The following GRIA4 variants were observed in gnomAD, a reference collection of about 807,000 sequenced individuals.
GRIA4 encodes glutamate ionotropic receptor AMPA type subunit 4.
In GRIA4, 34 loss-of-function variants were observed where a neutral mutation model predicts 104.0. The observed-to-expected ratio is 0.33, with a 90% CI of 0.25 to 0.44. The LOEUF (loss-of-function observed/expected upper bound fraction) is 0.44. Among genes scored for constraint, GRIA4 ranks in the 20% least tolerant of loss-of-function variants. The pLI, the probability that GRIA4 is intolerant of heterozygous loss-of-function variation, is 1.00. For synonymous variants in GRIA4, 386 were observed against 381.9 expected (o/e 1.01, Z -0.13); for missense variants, 750 against 1,096.5 (o/e 0.68, Z 4.46).
chr11:105,858,198 C>G (rs1197711402), intron 4 of GRIA4, among the ~76,000 whole-genome samples: 1 of 152,008 alleles, frequency 6.6e-6, no homozygotes, highest in Non-Finnish European at 1.5e-5. Context: ...CTCTGCTATT[C>G]TAAAAAATTA....
intron 3 of GRIA4, among the ~76,000 whole-genome samples, chr11:105,733,092 A>C (rs1389613238): frequency 6.6e-6 from 1 of 152,200 alleles, no homozygotes; most frequent in Admixed American, 6.6e-5. Context: ...TGCATATACA[A>C]ACTCTCTTTG....
At chr11:105,610,885 T>TG in intron 1 of GRIA4, 23 bp from the exon 2 acceptor site, 1 of 472,124 alleles carries the variant, frequency 2.1e-6, no homozygotes, top group Non-Finnish European at 3.7e-6. Flanking sequence ...TTTTTTTTTT[T>TG]TTTTGGTTGA....
At chr11:105,844,065 AGTGTAATCTTAACAGT>A (rs1944489282) in intron 4 of GRIA4, among the ~76,000 whole-genome samples, 1 of 152,176 alleles carries the variant, frequency 6.6e-6, no homozygotes, top group Non-Finnish European at 1.5e-5. Context: ...CTGATATCCT[AGTGTAATCTTAACAGT>A]GCCCAATGCC....
intron 4 of GRIA4, among the ~76,000 whole-genome samples, chr11:105,811,717 T>C (rs1390010165): frequency 6.6e-6 from 1 of 152,180 alleles, no homozygotes; most frequent in East Asian, 1.9e-4. Context: ...TAAAAAATAT[T>C]TGATATGTAT....
chr11:105,671,690 A>AAAAG (rs1263291004), intron 3 of GRIA4, among the ~76,000 whole-genome samples: 2 of 150,756 alleles, frequency 1.3e-5, no homozygotes, highest in Middle Eastern at 3.2e-3. Flanking sequence ...AAAAAAAAAA[A>AAAAG]AAAAAAAAAA....
In GRIA4 at chr11:105,632,141, C is replaced by T. The variant is rs529441126; in HGVS notation, c.247+19707C>T. Reference sequence around the variant, plus strand: ...GACAGGGGATTGATAATTCAAGAACCGTAATTCTGTCATGGGTATGCAGTA... The same window carrying T: ...GACAGGGGATTGATAATTCAAGAACTGTAATTCTGTCATGGGTATGCAGTA... On this transcript the variant is annotated intron_variant, in intron 3 of 16. Transcript: ENST00000282499. Among the ~76,000 whole-genome samples, 11 of 152,048 alleles carry T rather than the reference C, an allele frequency of 7.2e-5. No individual in the cohort carries two copies. The East Asian group carries it at 1.5e-3, about 21-fold the overall frequency.
At chr11:105,878,931 C>A (rs1022141971) in intron 5 of GRIA4, among the ~76,000 whole-genome samples, 4 of 152,184 alleles carry the variant, frequency 2.6e-5, no homozygotes, top group Non-Finnish European at 5.9e-5. Flanking sequence ...CCAGGTGCCA[C>A]TGGGGTATGA....
In GRIA4 at chr11:105,811,575, T is replaced by A. The variant is rs139562811; in HGVS notation, c.488-50449T>A. Among the ~76,000 whole-genome samples, 19 of 152,254 alleles carry A rather than the reference T, an allele frequency of 1.2e-4. No homozygotes were observed. The East Asian group carries it at 3.5e-3, about 28-fold the overall frequency. On this transcript the variant is annotated intron_variant, in intron 4 of 16. Coordinates refer to ENST00000282499, the MANE Select transcript of GRIA4 (RefSeq NM_000829.4). ...AAATGGCATTGTCTACATGTTTTAATGTTTTGAAAAAAATGAGACTGGGGT... is the reference window on the plus strand; with the variant it reads ...AAATGGCATTGTCTACATGTTTTAAAGTTTTGAAAAAAATGAGACTGGGGT...
intron 14 of GRIA4, among the ~76,000 whole-genome samples, chr11:105,950,482 G>A (rs1196483418): frequency 6.6e-6 from 1 of 152,000 alleles, no homozygotes; most frequent in Non-Finnish European, 1.5e-5. Flanking sequence ...ATATGGTACT[G>A]TTCTTGGGAC....
At chr11:105,813,529 T>C (rs1166356332) in intron 4 of GRIA4, among the ~76,000 whole-genome samples, 2 of 152,156 alleles carry the variant, frequency 1.3e-5, no homozygotes, top group South Asian at 2.1e-4. Context: ...TGGGACACTA[T>C]TGCGTTGCTT....
chr11:105,940,823 AT>A (rs1948164287), intron 14 of GRIA4, among the ~76,000 whole-genome samples: 2 of 134,228 alleles, frequency 1.5e-5, no homozygotes, highest in Admixed American at 7.1e-5. Context: ...TTCACATTTA[AT>A]TTAAAAAAAA....
chr11:105,962,527 A>G (rs1339714419), intron 14 of GRIA4, among the ~76,000 whole-genome samples: 4 of 152,202 alleles, frequency 2.6e-5, no homozygotes, highest in African/African-American at 9.6e-5. Context: ...TTCCAGGAAT[A>G]AAAACTTTTG....
chr11:105,714,565 T>C (rs1369230571), intron 3 of GRIA4, among the ~76,000 whole-genome samples: 2 of 152,112 alleles, frequency 1.3e-5, no homozygotes. Context: ...AAAACATCAA[T>C]TATCTTACAA....
chr11:105,958,190 A>C (rs1565365589), intron 14 of GRIA4, among the ~76,000 whole-genome samples: 1 of 152,172 alleles, frequency 6.6e-6, no homozygotes, highest in Non-Finnish European at 1.5e-5. Flanking sequence ...GTCTTGTGCC[A>C]GTTTTCAAAG....
At position 105,736,080 on chromosome 11, in the gene GRIA4, A is replaced by C. The variant is rs1051249791; in HGVS notation, c.248-16901A>C. Reference sequence around the variant, plus strand: ...GTGGCCAATGCTTAAAAATTAGAAGAATATTCACAAATACTCAGATATAAA... The same window carrying C: ...GTGGCCAATGCTTAAAAATTAGAAGCATATTCACAAATACTCAGATATAAA... On this transcript the variant is annotated intron_variant, in intron 3 of 16. Coordinates refer to ENST00000282499, the MANE Select transcript of GRIA4 (RefSeq NM_000829.4). Among the ~76,000 whole-genome samples the C allele has an allele frequency of 3.3e-5, 5 of 152,246 alleles. No individual in the cohort carries two copies. The East Asian group carries it at 9.7e-4, about 29-fold the overall frequency.
intron 3 of GRIA4, among the ~76,000 whole-genome samples, chr11:105,625,376 A>C (rs1389064129): frequency 6.6e-6 from 1 of 152,132 alleles, no homozygotes; most frequent in Non-Finnish European, 1.5e-5. Flanking sequence ...GCCAGAATTG[A>C]ATAACACAAA....
chr11:105,891,486 T>G (rs1007814229), intron 6 of GRIA4, among the ~76,000 whole-genome samples: 1 of 152,136 alleles, frequency 6.6e-6, no homozygotes, highest in African/African-American at 2.4e-5. Flanking sequence ...TATCCCTACT[T>G]GACCCCACAG....
At chr11:105,700,063 T>C (rs748953398) in intron 3 of GRIA4, among the ~76,000 whole-genome samples, 1 of 152,220 alleles carries the variant, frequency 6.6e-6, no homozygotes, top group East Asian at 1.9e-4. Context: ...AATCCACACA[T>C]ATTTATACTG....
At chr11:105,929,578 A>G (rs896036289) in intron 13 of GRIA4, among the ~76,000 whole-genome samples, 1 of 152,122 alleles carries the variant, frequency 6.6e-6, no homozygotes, top group Non-Finnish European at 1.5e-5. Context: ...CTTCATTTCA[A>G]TGCAGTTTTA....
Sources: allele counts gnomAD v4.1 joint callset (sites outside exome capture counted in the v4.1 genomes callset), GRCh38; gene constraint gnomAD v4.1.1; transcripts MANE v1.5; gene names NCBI Gene and HGNC (gene_info 2026-07-23, HGNC 2026-07-21).